Variants in ERC2 observed in about 807,000 individuals in gnomAD.
The protein encoded by ERC2 is ELKS/RAB6-interacting/CAST family member 2, also known as ERC protein 2.
A neutral mutation model predicts 114.8 loss-of-function variants in ERC2; 42 were observed. The observed-to-expected ratio is 0.37, with a 90% confidence interval of 0.29 to 0.47. ERC2 has a LOEUF of 0.47. ERC2 is among the 20% of genes least tolerant of loss of function. ERC2 has a pLI of 0.99. For synonymous variants in ERC2, 454 were observed against 425.5 expected, an observed-to-expected ratio of 1.07 and a Z score of -0.82; for missense variants, 939 against 1,150.7, an observed-to-expected ratio of 0.82 and a Z score of 2.66.
At chr3:56,216,334 G>A (rs1213118766) in intron 3 of ERC2, among the ~76,000 whole-genome samples, 1 of 152,104 alleles carries the variant, frequency 6.6e-6, no homozygotes, top group South Asian at 2.1e-4. Flanking sequence ...CCACAGAAAT[G>A]CAGACTACCA....
intron 2 of ERC2, among the ~76,000 whole-genome samples, chr3:56,332,368 A>G (rs1405713105): frequency 6.6e-6 from 1 of 152,186 alleles, no homozygotes; most frequent in African/African-American, 2.4e-5. Flanking sequence ...GTTACTGAAC[A>G]CCTGCTGATG....
intron 3 of ERC2, among the ~76,000 whole-genome samples, chr3:56,198,448 G>C (rs952814064): frequency 3.9e-5 from 6 of 152,202 alleles, no homozygotes; most frequent in African/African-American, 2.4e-5. Flanking sequence ...AGGGAGGCCA[G>C]GGAGGAGGTC....
chr3:56,177,852 A>T (rs2083064073), intron 3 of ERC2, among the ~76,000 whole-genome samples: 1 of 152,184 alleles, frequency 6.6e-6, no homozygotes, highest in Non-Finnish European at 1.5e-5. Flanking sequence ...GCTGACACTG[A>T]AATGAGGACC....
intron 14 of ERC2, among the ~76,000 whole-genome samples, chr3:55,780,525 AG>A (rs201582321): frequency 3.2e-3 from 486 of 152,332 alleles, no homozygotes; most frequent in African/African-American, 0.011. Context: ...AATATCAAAA[AG>A]GGAAAAAAAT....
At chr3:56,061,168 A>C (rs2076228316) in intron 7 of ERC2, among the ~76,000 whole-genome samples, 2 of 152,234 alleles carry the variant, frequency 1.3e-5, no homozygotes, top group South Asian at 4.1e-4. Context: ...ACGACTGCAC[A>C]TAAATAATAA....
At position 55,656,226 on chromosome 3, in the gene ERC2, A is replaced by T. The variant is rs2060858846; in HGVS notation, c.*39+27568T>A. ...GCAATCATAGCTCATGCAGCCTTGA[A>T]CTCCTGGTCTCAAGTGATCTTCCTG... On this transcript the variant is annotated intron_variant, in intron 17 of 17. Coordinates refer to ENST00000288221, the MANE Select transcript of ERC2 (RefSeq NM_015576.3). Among the ~76,000 whole-genome samples, 4 of 151,922 alleles carry T rather than the reference A, an allele frequency of 2.6e-5. No individual in the cohort carries two copies. The South Asian group carries it at 8.3e-4, about 32-fold the overall frequency.
intron 6 of ERC2, among the ~76,000 whole-genome samples, chr3:56,122,142 A>G (rs1456508633): frequency 1.3e-5 from 2 of 152,256 alleles, no homozygotes; most frequent in East Asian, 3.8e-4. Flanking sequence ...TGATGAACTA[A>G]AGCACGGTAT....
rs148300302 is a variant in ERC2 at position 55,972,022 on chromosome 3, C to T, written c.2267+13955G>A. On this transcript the variant is annotated intron_variant, in intron 12 of 17. Coordinates refer to ENST00000288221, the MANE Select transcript of ERC2 (RefSeq NM_015576.3). ...TGCCTTTGTTTTCATTGTCCAGACACTGAAATAGCTCCCATTTGGCTTCCC... is the reference window on the plus strand; with the variant it reads ...TGCCTTTGTTTTCATTGTCCAGACATTGAAATAGCTCCCATTTGGCTTCCC... Among the ~76,000 whole-genome samples, 10 of 152,288 alleles carry T rather than the reference C, an allele frequency of 6.6e-5. No homozygotes were observed. The East Asian group carries it at 1.9e-3, about 29-fold the overall frequency.
chr3:56,336,431 T>C lies in ERC2; in HGVS notation c.658-39996A>G, dbSNP rs939404366. ...TCTAAGTCTTTTTAAACAATGCCTA[T>C]AGGCTGCTATCATGACGATGAATGG... On this transcript the variant is annotated intron_variant, in intron 2 of 17. Coordinates refer to ENST00000288221, the MANE Select transcript of ERC2 (RefSeq NM_015576.3). 1.1e-4 allele frequency among the ~76,000 whole-genome samples: 16 copies of C among 152,254 alleles called. No individual in the cohort carries two copies. In the Middle Eastern group the frequency reaches 0.017, roughly 162 times the overall value.
chr3:55,663,336 G>A (rs1264707700), intron 17 of ERC2, among the ~76,000 whole-genome samples: 1 of 152,240 alleles, frequency 6.6e-6, no homozygotes, highest in East Asian at 1.9e-4. Flanking sequence ...GCTCGGAGGA[G>A]GAGGAACTTG....
chr3:56,061,335 T>C (rs746848232), intron 7 of ERC2, among the ~76,000 whole-genome samples: 8 of 152,256 alleles, frequency 5.3e-5, no homozygotes, highest in Non-Finnish European at 1.0e-4. Flanking sequence ...CTTTCTCTAT[T>C]GACCTTGTAA....
intron 7 of ERC2, among the ~76,000 whole-genome samples, chr3:56,029,869 T>A (rs905014178): frequency 6.6e-6 from 1 of 152,092 alleles, no homozygotes; most frequent in Non-Finnish European, 1.5e-5. Flanking sequence ...TTAGTTTCGG[T>A]TTATTTTGTT....
intron 7 of ERC2, among the ~76,000 whole-genome samples, chr3:56,040,597 A>ATATGTATATATAATATATAGATG (rs2075097493): frequency 2.9e-3 from 8 of 2,728 alleles, no homozygotes; most frequent in Non-Finnish European, 6.2e-3. Context: ...ATATATATCT[A>ATATGTATATATAATATATAGATG]TATATGTATA....
intron 7 of ERC2, among the ~76,000 whole-genome samples, chr3:56,051,615 C>T (rs2075769293): frequency 6.6e-6 from 1 of 152,080 alleles, no homozygotes; most frequent in Non-Finnish European, 1.5e-5. Flanking sequence ...CAAAACAGGA[C>T]ACTGACTTCC....
chr3:55,718,480 A>G (rs1051905937), intron 15 of ERC2, among the ~76,000 whole-genome samples: 1 of 152,228 alleles, frequency 6.6e-6, no homozygotes, highest in Admixed American at 6.5e-5. Context: ...TTGGCAGCAG[A>G]AAGGGGGAAC....
At chr3:56,423,645 G>C (rs1282423932) in intron 2 of ERC2, among the ~76,000 whole-genome samples, 1 of 152,156 alleles carries the variant, frequency 6.6e-6, no homozygotes, top group African/African-American at 2.4e-5. Flanking sequence ...AAAACAAAAT[G>C]GCTACACGTT....
At chr3:56,441,724 T>A (rs1451407428) in intron 1 of ERC2, among the ~76,000 whole-genome samples, 1 of 152,106 alleles carries the variant, frequency 6.6e-6, no homozygotes, top group Non-Finnish European at 1.5e-5. Context: ...TTTTGGTATA[T>A]TTAGTGGAGA....
intron 4 of ERC2, among the ~76,000 whole-genome samples, chr3:56,162,303 T>C (rs1050372839): frequency 6.6e-6 from 1 of 152,178 alleles, no homozygotes; most frequent in African/African-American, 2.4e-5. Flanking sequence ...TTGAGGATTT[T>C]TGCATCTACA....
chr3:55,767,593 C>T (rs536753663), intron 14 of ERC2, among the ~76,000 whole-genome samples: 9 of 152,198 alleles, frequency 5.9e-5, no homozygotes, highest in African/African-American at 1.7e-4. Flanking sequence ...CTAAGAAGCC[C>T]GCCTAATCAG....
Sources: allele counts gnomAD v4.1 joint callset (sites outside exome capture counted in the v4.1 genomes callset), GRCh38; gene constraint gnomAD v4.1.1; transcripts MANE v1.5; gene names NCBI Gene and HGNC (gene_info 2026-07-23, HGNC 2026-07-21).